CLCN5: variants seen among roughly 807,000 people sequenced by gnomAD.
The protein encoded by CLCN5 is H(+)/Cl(-) exchange transporter 5.
Under a neutral mutation model 54.0 loss-of-function variants are expected in CLCN5, and 17 were observed. The ratio of observed to expected loss-of-function variants is 0.31; its 90% confidence interval spans 0.22 to 0.47. The LOEUF (loss-of-function observed/expected upper bound fraction) is 0.47. Ranked by LOEUF, CLCN5 falls within the 20% of genes least tolerant of loss-of-function variation. The pLI is 1.00. For missense variants in CLCN5, 448 were observed against 646.7 expected (o/e 0.69, Z 3.33); for synonymous variants, 222 against 233.0 (o/e 0.95, Z 0.43).
intron 8 of CLCN5, among the ~76,000 whole-genome samples, chrX:50,081,081 AT>A (rs1216427793): frequency 8.9e-6 from 1 of 111,967 alleles, no homozygotes; most frequent in African/African-American, 3.3e-5. Flanking sequence ...CCACAATATG[AT>A]TTAGGCTACA....
intron 3 of CLCN5, among the ~76,000 whole-genome samples, chrX:49,996,470 T>C (rs894031479): frequency 2.5e-4 from 28 of 112,139 alleles, no homozygotes; most frequent in African/African-American, 8.8e-4. Flanking sequence ...TTATAAAACT[T>C]TGGTAACTGC....
At chrX:49,940,415 C>T (rs1926265582) in intron 3 of CLCN5, among the ~76,000 whole-genome samples, 2 of 112,226 alleles carry the variant, frequency 1.8e-5, no homozygotes, top group African/African-American at 6.5e-5. Flanking sequence ...CCTACCCATA[C>T]TGCATGGTCT....
intron 3 of CLCN5, among the ~76,000 whole-genome samples, chrX:50,017,980 C>A (rs1190983464): frequency 1.8e-5 from 2 of 111,464 alleles, no homozygotes; most frequent in African/African-American, 6.5e-5. Flanking sequence ...TCTGGCTAAA[C>A]TTTAGAATCA....
intron 3 of CLCN5, among the ~76,000 whole-genome samples, chrX:49,929,708 T>C (rs1244866623): frequency 9.0e-6 from 1 of 110,755 alleles, no homozygotes; most frequent in Non-Finnish European, 1.9e-5. Flanking sequence ...TTCCCCCAAA[T>C]TGTGATTCAG....
chrX:50,075,674 C>A (rs782456935), intron 6 of CLCN5, 121 bp from the exon 7 acceptor site: 16 of 609,575 alleles, frequency 2.6e-5, no homozygotes, highest in African/African-American at 4.4e-5. Flanking sequence ...GAAGTATGTG[C>A]TTATCTGTTA....
Position 49,943,520 on chromosome X carries a change from G to A in CLCN5, c.16+18206G>A, listed in dbSNP as rs1385224456. Among the ~76,000 whole-genome samples the A allele has an allele frequency of 4.8e-3, 498 of 104,067 alleles. 5 individuals are homozygous for A. Among genetic ancestry groups the A allele is most frequent in the Non-Finnish European group, 6.7e-3 (347 of 51,620 alleles). 90.4% of individuals were successfully genotyped at this position (104,067 alleles called of 115,157 possible). A position where few individuals can be genotyped will look rare whatever the true frequency, so the allele number is the denominator to read the frequency against. The stretch of plus-strand genomic sequence containing the variant: ...GGTATTGCCTAGGTTTTCTTCTAGG[G>A]TTTTTATGGTTTTAGGTCTAACATG... On this transcript the variant is annotated intron_variant, in intron 3 of 14. Transcript: ENST00000376091.
At chrX:49,948,445 A>G (rs1557172537) in intron 3 of CLCN5, among the ~76,000 whole-genome samples, 1 of 110,599 alleles carries the variant, frequency 9.0e-6, no homozygotes, top group Non-Finnish European at 1.9e-5. Context: ...CATATGGTTG[A>G]TGTGTTTTTT....
intron 3 of CLCN5, among the ~76,000 whole-genome samples, chrX:50,014,858 C>T (rs918955104): frequency 4.5e-5 from 5 of 111,115 alleles, no homozygotes; most frequent in Middle Eastern, 9.3e-3. Context: ...AAATAATGTC[C>T]ATGTATGCAG....
intron 3 of CLCN5, among the ~76,000 whole-genome samples, chrX:50,006,386 A>T (rs1930149414): frequency 8.9e-6 from 1 of 111,827 alleles, no homozygotes. Context: ...GGACTCACAG[A>T]TGGTATGTTA....
chrX:50,089,018 A>T (rs1933989573), intron 12 of CLCN5, 134 bp downstream of exon 12: 1 of 570,493 alleles, frequency 1.8e-6, no homozygotes, highest in African/African-American at 2.2e-5. Context: ...TTCCAAGCAC[A>T]TTAAGAAAGC....
In CLCN5 at chrX:50,006,666, C is replaced by T. The variant is rs782386509; in HGVS notation, c.17-35650C>T. Among the ~76,000 whole-genome samples the T allele has an allele frequency of 2.7e-5, 3 of 111,896 alleles. No individual in the cohort carries two copies. In the South Asian group the frequency reaches 1.1e-3, roughly 42 times the overall value. On this transcript the variant is annotated intron_variant, in intron 3 of 14. Coordinates refer to ENST00000376091, the MANE Select transcript of CLCN5 (RefSeq NM_001127898.4). ...CTGAGCCTTCTCATTTGCTCCTTCT[C>T]TTTAATCCTTGATACTGGTACTAGT...
At chrX:49,966,454 T>C (rs1927853630) in intron 3 of CLCN5, among the ~76,000 whole-genome samples, 1 of 109,433 alleles carries the variant, frequency 9.1e-6, no homozygotes, top group Non-Finnish European at 1.9e-5. Context: ...CTTTTCAGTC[T>C]GTTCTGTCTG....
intron 3 of CLCN5, among the ~76,000 whole-genome samples, chrX:49,995,313 A>AT (rs1406384086): frequency 1.8e-5 from 2 of 111,930 alleles, no homozygotes; most frequent in Non-Finnish European, 3.8e-5. Context: ...CTGATAAGAC[A>AT]TTTTTGGGCC....
At chrX:50,091,295 T>C (rs113571804) in intron 14 of CLCN5, among the ~76,000 whole-genome samples, 13,204 of 111,384 alleles carry the variant, frequency 0.12, 1,937 homozygotes, top group African/African-American at 0.41. Context: ...TACAAAGTTC[T>C]CCAGCTAATA....
intron 3 of CLCN5, among the ~76,000 whole-genome samples, chrX:49,963,671 G>A (rs535104855): frequency 8.9e-6 from 1 of 112,076 alleles, no homozygotes. Context: ...GGGACAACCA[G>A]TGAATTCCGT....
intron 3 of CLCN5, among the ~76,000 whole-genome samples, chrX:50,029,258 T>C (rs183456841): frequency 9.1e-6 from 1 of 110,162 alleles, no homozygotes; most frequent in African/African-American, 3.3e-5. Context: ...CCCATTAACT[T>C]GTCATTTAGC....
At chrX:49,972,342 A>G (rs1265442267) in intron 3 of CLCN5, among the ~76,000 whole-genome samples, 1 of 111,483 alleles carries the variant, frequency 9.0e-6, no homozygotes, top group Non-Finnish European at 1.9e-5. Context: ...TCTTCAAATT[A>G]TTTTTATCCT....
intron 5 of CLCN5, among the ~76,000 whole-genome samples, chrX:50,071,754 C>T (rs927913269): frequency 9.0e-5 from 10 of 111,695 alleles, no homozygotes; most frequent in Non-Finnish European, 1.9e-5. Flanking sequence ...TTGTCTGTGA[C>T]GTTACTGTAG....
intron 3 of CLCN5, chrX:50,008,469 C>T (rs782036821): frequency 5.4e-6 from 2 of 367,345 alleles, no homozygotes; most frequent in South Asian, 5.1e-5. Flanking sequence ...GGTGAGAGTG[C>T]TGTCTGAATG....
Sources: allele counts gnomAD v4.1 joint callset (sites outside exome capture counted in the v4.1 genomes callset), GRCh38; gene constraint gnomAD v4.1.1; transcripts MANE v1.5; gene names NCBI Gene and HGNC (gene_info 2026-07-23, HGNC 2026-07-21).